CCDC83: variants seen among roughly 807,000 people sequenced by gnomAD.
The protein encoded by CCDC83 is coiled-coil domain-containing protein 83.
A neutral mutation model predicts 50.1 loss-of-function variants in CCDC83; 54 were observed. That is an observed-to-expected ratio of 1.08 (90% CI 0.87 to 1.35). The LOEUF (loss-of-function observed/expected upper bound fraction) is 1.35, where lower values mean the gene tolerates loss of function less well. Ranked by LOEUF, CCDC83 falls within the 40% of genes most tolerant of loss-of-function variation. The pLI is 0.00. For synonymous variants in CCDC83, 161 were observed against 153.3 expected (o/e 1.05, Z -0.37); for missense variants, 518 against 473.9 (o/e 1.09, Z -0.86).
chr11:85,876,862 A>C lies in CCDC83; in HGVS notation c.180+3567A>C, dbSNP rs74533614. Among the ~76,000 whole-genome samples the C allele has an allele frequency of 3.1e-3, 467 of 152,350 alleles. 3 individuals are homozygous for C. Among genetic ancestry groups the C allele is most frequent in the African/African-American group, 0.011 (449 of 41,582 alleles). On this transcript the variant is annotated intron_variant, in intron 3 of 10. Coordinates refer to ENST00000342404, the MANE Select transcript of CCDC83 (RefSeq NM_001286159.2). ...AAAAGGGTAAGCATGACATGACTTT[A>C]TATGAAAACAAAATCAATCTTTTTT... is the stretch of plus-strand genomic sequence containing the variant.
intron 1 of CCDC83, among the ~76,000 whole-genome samples, chr11:85,860,523 G>A (rs1293970620): frequency 6.6e-6 from 1 of 152,128 alleles, no homozygotes; most frequent in Non-Finnish European, 1.5e-5. Context: ...GCAGAAAAGG[G>A]AACACTTATA....
intron 2 of CCDC83, among the ~76,000 whole-genome samples, chr11:85,868,130 C>A (rs991933142): frequency 6.6e-6 from 1 of 152,128 alleles, no homozygotes; most frequent in African/African-American, 2.4e-5. Flanking sequence ...TCAAATTTAT[C>A]CCAAGAAAAG....
chr11:85,872,376 T>C (rs1159676475), intron 2 of CCDC83, among the ~76,000 whole-genome samples: 1 of 151,752 alleles, frequency 6.6e-6, no homozygotes, highest in Non-Finnish European at 1.5e-5. Flanking sequence ...TCCCAGTTAC[T>C]CGGGAGGCTG....
intron 10 of CCDC83, among the ~76,000 whole-genome samples, chr11:85,916,995 C>T (rs189157061): frequency 6.6e-6 from 1 of 151,772 alleles, no homozygotes; most frequent in Non-Finnish European, 1.5e-5. Flanking sequence ...CCTGTAATCC[C>T]AGCTAGTTGA....
intron 5 of CCDC83, among the ~76,000 whole-genome samples, chr11:85,887,899 C>G (rs942691897): frequency 6.6e-6 from 1 of 150,452 alleles, no homozygotes; most frequent in Non-Finnish European, 1.5e-5. Context: ...ACCTCCCAGG[C>G]TCAAACAATC....
At chr11:85,875,745 T>G (rs965002792) in intron 3 of CCDC83, among the ~76,000 whole-genome samples, 2 of 152,202 alleles carry the variant, frequency 1.3e-5, no homozygotes, top group African/African-American at 4.8e-5. Context: ...GACTCATGTT[T>G]TCTCTTCAGT....
At chr11:85,891,044 C>T (rs574268802) in intron 5 of CCDC83, among the ~76,000 whole-genome samples, 21 of 152,220 alleles carry the variant, frequency 1.4e-4, no homozygotes, top group African/African-American at 4.1e-4. Context: ...ATGATATCAG[C>T]GGTGGTTCTA....
At position 85,919,657 on chromosome 11, in the gene CCDC83, G is replaced by A. The variant is rs955301880; in HGVS notation, c.*147G>A. 4.6e-6 allele frequency: 3 copies of A among 647,010 alleles called. No homozygotes were observed. The highest frequency in any genetic ancestry group is 7.9e-6 in the Non-Finnish European group (3 of 379,818). 40.1% of individuals were successfully genotyped at this position (647,010 alleles called of 1,614,324 possible). The stretch of plus-strand genomic sequence containing the variant: ...GGTCATATTTACATTTAAAATCAAA[G>A]GTATTCAGCTATTCATTTACTTGCA... On this transcript the variant is annotated 3_prime_UTR_variant, in exon 11 of 11. Coordinates refer to ENST00000342404, the MANE Select transcript of CCDC83 (RefSeq NM_001286159.2).
chr11:85,885,766 C>G (rs2093323965), intron 4 of CCDC83, among the ~76,000 whole-genome samples: 1 of 152,130 alleles, frequency 6.6e-6, no homozygotes, highest in Non-Finnish European at 1.5e-5. Context: ...AAAATGGTTG[C>G]CAAGGACCTG....
chr11:85,861,743 T>C (rs1277691514), intron 1 of CCDC83, among the ~76,000 whole-genome samples: 1 of 152,032 alleles, frequency 6.6e-6, no homozygotes, highest in Non-Finnish European at 1.5e-5. Flanking sequence ...GTGCGGTGGC[T>C]CATGCCTGTA....
Position 85,919,669 on chromosome 11 carries a change from T to C in CCDC83, c.*159T>C. On this transcript the variant is annotated 3_prime_UTR_variant, in exon 11 of 11. Transcript: ENST00000342404. ...ATTTAAAATCAAAGGTATTCAGCTA[T>C]TCATTTACTTGCATGGTATGAGTGA... 1 of 615,692 alleles carries C rather than the reference T, an allele frequency of 1.6e-6. No homozygotes were observed. Among genetic ancestry groups the C allele is most frequent in the Non-Finnish European group, 2.8e-6 (1 of 357,746 alleles). The allele number at this position is 615,692 out of a possible 1,614,324, so 38.1% of individuals were successfully genotyped here. A position where few individuals can be genotyped will look rare whatever the true frequency, so the allele number is the denominator to read the frequency against.
chr11:85,901,830 A>C (rs116383930), intron 7 of CCDC83, among the ~76,000 whole-genome samples: 1,625 of 151,686 alleles, frequency 0.011, 16 homozygotes, highest in African/African-American at 0.037. Flanking sequence ...GGCATTCAAG[A>C]CCAGACTAGG....
chr11:85,908,697 A>G (rs1048959655), intron 7 of CCDC83, among the ~76,000 whole-genome samples: 2 of 151,452 alleles, frequency 1.3e-5, no homozygotes, highest in Admixed American at 1.3e-4. Flanking sequence ...GAAGCCCAGG[A>G]GTTTGAGACC....
intron 1 of CCDC83, among the ~76,000 whole-genome samples, chr11:85,855,919 T>A (rs1199344275): frequency 6.6e-6 from 1 of 152,336 alleles, no homozygotes; most frequent in Middle Eastern, 3.4e-3. Context: ...CGCAATGCTC[T>A]TCCGCTGTAG....
At chr11:85,869,516 G>A (rs2093225763) in intron 2 of CCDC83, among the ~76,000 whole-genome samples, 1 of 152,192 alleles carries the variant, frequency 6.6e-6, no homozygotes, top group Admixed American at 6.5e-5. Flanking sequence ...AATTTTCAAT[G>A]AAATTGCATG....
intron 8 of CCDC83, among the ~76,000 whole-genome samples, chr11:85,915,185 T>G (rs2093472064): frequency 6.6e-6 from 1 of 152,170 alleles, no homozygotes; most frequent in African/African-American, 2.4e-5. Flanking sequence ...TGCTGCTTCT[T>G]TCTGCATCCC....
chr11:85,862,020 A>AAAG (rs1555268618), intron 1 of CCDC83, among the ~76,000 whole-genome samples: 5 of 145,420 alleles, frequency 3.4e-5, no homozygotes, highest in African/African-American at 1.3e-4. Flanking sequence ...AAAAAAAAAA[A>AAAG]AGAGAGTCAT....
intron 10 of CCDC83, among the ~76,000 whole-genome samples, 171 bp from the exon 11 acceptor site, chr11:85,919,178 T>C (rs937416545): frequency 3.0e-4 from 45 of 152,198 alleles, no homozygotes; most frequent in Admixed American, 2.9e-3. Flanking sequence ...TATTTTGTTT[T>C]TTTCCCATTT....
At chr11:85,904,538 C>G (rs1161665138) in intron 7 of CCDC83, among the ~76,000 whole-genome samples, 3 of 152,204 alleles carry the variant, frequency 2.0e-5, no homozygotes, top group African/African-American at 4.8e-5. Flanking sequence ...TTTGAGAGAA[C>G]GCACTTCAGC....
Sources: allele counts gnomAD v4.1 joint callset (sites outside exome capture counted in the v4.1 genomes callset), GRCh38; gene constraint gnomAD v4.1.1; transcripts MANE v1.5; gene names NCBI Gene and HGNC (gene_info 2026-07-23, HGNC 2026-07-21).